GMDS: variants seen among roughly 807,000 people sequenced by gnomAD.
GMDS encodes GDP-mannose 4,6 dehydratase.
GMDS carries 20 observed loss-of-function variants against 49.9 expected under a neutral mutation model. The ratio of observed to expected loss-of-function variants is 0.40; its 90% CI spans 0.28 to 0.58. The LOEUF (loss-of-function observed/expected upper bound fraction) is 0.58. Ranked by LOEUF, GMDS falls within the 20% of genes least tolerant of loss-of-function variation. The pLI, the probability that GMDS is intolerant of heterozygous loss-of-function variation, is 0.42. For missense variants in GMDS, 362 were observed against 481.4 expected, an observed-to-expected ratio of 0.75 and a Z score of 2.32; for synonymous variants, 177 against 178.6, an observed-to-expected ratio of 0.99 and a Z score of 0.07.
At position 2,018,595 on chromosome 6, in the gene GMDS, TG is replaced by T. The variant is rs367568595; in HGVS notation, c.346-57630del. 4.7e-3 allele frequency among the ~76,000 whole-genome samples: 718 copies of T among 152,314 alleles called. 8 individuals are homozygous for T. Among genetic ancestry groups the T allele is most frequent in the Middle Eastern group, 0.037 (11 of 294 alleles). Reference sequence around the variant, plus strand: ...TTCATATTAATGGAATCATAATACGTGGTGGTTTTTACTAACTGGCTTTTTC... The same window carrying T: ...TTCATATTAATGGAATCATAATACGTGTGGTTTTTACTAACTGGCTTTTTC... On this transcript the variant is annotated intron_variant, in intron 4 of 10. Transcript: ENST00000380815.
intron 4 of GMDS, among the ~76,000 whole-genome samples, chr6:2,003,314 C>T (rs1205609898): frequency 1.3e-5 from 2 of 152,138 alleles, no homozygotes; most frequent in Non-Finnish European, 2.9e-5. Flanking sequence ...TTCTTTGTAT[C>T]TCTTTGAGGT....
chr6:1,827,769 C>T (rs914276749), intron 7 of GMDS, among the ~76,000 whole-genome samples: 2 of 152,072 alleles, frequency 1.3e-5, no homozygotes, highest in Non-Finnish European at 2.9e-5. Context: ...TGGGATGATC[C>T]CTGGCACAGA....
At chr6:1,790,619 G>T (rs1200829925) in intron 7 of GMDS, among the ~76,000 whole-genome samples, 1 of 152,126 alleles carries the variant, frequency 6.6e-6, no homozygotes, top group Non-Finnish European at 1.5e-5. Context: ...TTTTTCTATA[G>T]CGGTTATATA....
intron 9 of GMDS, chr6:1,625,551 TG>T (rs1268102870): frequency 6.6e-6 from 1 of 152,356 alleles, no homozygotes; most frequent in East Asian, 1.9e-4. Flanking sequence ...GAAGGAAGGC[TG>T]GCTAAAAGAA....
At position 1,652,498 on chromosome 6, in the gene GMDS, T is replaced by TTA. The variant is rs1252140471; in HGVS notation, c.988-27960_988-27959dup. ...ATATATTATATATAATATATATTAT[T>TTA]TATATAATATATTATATATATTTAT... On this transcript the variant is annotated intron_variant, in intron 9 of 10. Coordinates refer to ENST00000380815, the MANE Select transcript of GMDS (RefSeq NM_001500.4). 7.0e-4 allele frequency among the ~76,000 whole-genome samples: 4 copies of TTA among 5,736 alleles called. 1 individual carries two copies. The highest frequency in any genetic ancestry group is 2.2e-3 in the African/African-American group (3 of 1,338). The allele number at this position is 5,736 out of a possible 152,430, so 3.8% of individuals were successfully genotyped here.
At chr6:1,821,615 T>TTG (rs1401320448) in intron 7 of GMDS, among the ~76,000 whole-genome samples, 3 of 35,122 alleles carry the variant, frequency 8.5e-5, no homozygotes, top group East Asian at 1.2e-3. Flanking sequence ...TTATTTGTTT[T>TTG]TTTTTTTTTT....
At chr6:1,656,350 C>T (rs1190403148) in intron 9 of GMDS, among the ~76,000 whole-genome samples, 3 of 152,084 alleles carry the variant, frequency 2.0e-5, no homozygotes, top group African/African-American at 7.2e-5. Context: ...GACAGATTTG[C>T]CATCACAAAT....
chr6:1,723,060 C>A (rs1766439493), intron 9 of GMDS, among the ~76,000 whole-genome samples: 1 of 152,094 alleles, frequency 6.6e-6, no homozygotes, highest in Non-Finnish European at 1.5e-5. Context: ...CACACTGGTA[C>A]AGAAGCGATA....
chr6:2,121,365 G>A (rs1417600067), intron 2 of GMDS, among the ~76,000 whole-genome samples: 1 of 152,176 alleles, frequency 6.6e-6, no homozygotes, highest in Non-Finnish European at 1.5e-5. Context: ...AATAAAGAAT[G>A]AAAGAGTGTT....
chr6:1,853,410 G>C (rs11961022), intron 7 of GMDS, among the ~76,000 whole-genome samples: 75,274 of 147,744 alleles, frequency 0.51, 21,987 homozygotes, highest in Admixed American at 0.63. Flanking sequence ...CCCAGCTACT[G>C]GGGAGGCTGA....
chr6:1,863,158 G>A (rs760270134), intron 7 of GMDS, among the ~76,000 whole-genome samples: 1 of 152,090 alleles, frequency 6.6e-6, no homozygotes, highest in Non-Finnish European at 1.5e-5. Context: ...TTACCTGTGT[G>A]GCTGTAAGGG....
rs80036048 is a variant in GMDS, at chr6:1,818,075, G to A, written c.772-75489C>T. ...AAAACTATAGAAAGTACAGAAGACT[G>A]AACTATGCAAATACATAATCTGAAT... is the stretch of plus-strand genomic sequence containing the variant. On this transcript the variant is annotated intron_variant, in intron 7 of 10. Transcript: ENST00000380815. Among the ~76,000 whole-genome samples the A allele has an allele frequency of 5.3e-3, 806 of 152,176 alleles. 9 individuals are homozygous for A. Among genetic ancestry groups the A allele is most frequent in the African/African-American group, 0.018 (763 of 41,496 alleles).
chr6:1,892,601 T>C (rs537993779), intron 7 of GMDS, among the ~76,000 whole-genome samples: 10 of 152,246 alleles, frequency 6.6e-5, no homozygotes, highest in East Asian at 1.9e-4. Context: ...TCAGGTGATC[T>C]ACTTGCCTTG....
At chr6:2,078,721 C>T (rs1337505932) in intron 4 of GMDS, among the ~76,000 whole-genome samples, 1 of 151,996 alleles carries the variant, frequency 6.6e-6, no homozygotes, top group Non-Finnish European at 1.5e-5. Context: ...GATGAGAAGA[C>T]TTTATATTCT....
intron 1 of GMDS, among the ~76,000 whole-genome samples, chr6:2,236,951 TA>T (rs1412339482): frequency 1.3e-5 from 2 of 152,222 alleles, no homozygotes; most frequent in Non-Finnish European, 2.9e-5. Context: ...AAATCCCTAG[TA>T]AATACCTTTA....
intron 6 of GMDS, among the ~76,000 whole-genome samples, chr6:1,953,644 ATTC>A (rs1336098463): frequency 1.8e-4 from 28 of 152,324 alleles, no homozygotes; most frequent in Admixed American, 1.6e-3. Flanking sequence ...AACAGTAGTT[ATTC>A]TTCTTATTTA....
intron 2 of GMDS, among the ~76,000 whole-genome samples, chr6:2,123,170 A>G (rs1301179716): frequency 5.3e-5 from 8 of 152,278 alleles, no homozygotes; most frequent in African/African-American, 1.7e-4. Flanking sequence ...AATGGTTGCC[A>G]TCTACACATC....
At chr6:1,755,426 T>C (rs1216773959) in intron 7 of GMDS, among the ~76,000 whole-genome samples, 4 of 152,154 alleles carry the variant, frequency 2.6e-5, no homozygotes, top group Admixed American at 6.5e-5. Flanking sequence ...GAAGAATGAA[T>C]ATCATGAAAA....
At chr6:1,988,263 G>A (rs1765686217) in intron 4 of GMDS, among the ~76,000 whole-genome samples, 1 of 151,870 alleles carries the variant, frequency 6.6e-6, no homozygotes. Context: ...ATAATTCAGA[G>A]TATATTTTCT....
Sources: allele counts gnomAD v4.1 joint callset (sites outside exome capture counted in the v4.1 genomes callset), GRCh38; gene constraint gnomAD v4.1.1; transcripts MANE v1.5; gene names NCBI Gene and HGNC (gene_info 2026-07-23, HGNC 2026-07-21).